The following TAFA2 variants were observed in gnomAD, a reference collection of about 807,000 sequenced individuals.
TAFA2 encodes the protein TAFA chemokine like family member 2.
TAFA2 carries 7 observed loss-of-function variants against 18.8 expected under a neutral mutation model. The ratio of observed to expected loss-of-function variants is 0.37; its 90% CI spans 0.21 to 0.70. The LOEUF is 0.70. Among genes scored for constraint, TAFA2 ranks in the 30% least tolerant of loss-of-function variants. TAFA2 has a pLI of 0.53. For missense variants in TAFA2, 122 were observed against 158.1 expected, an observed-to-expected ratio of 0.77 and a Z score of 1.23; for synonymous variants, 60 against 54.2, an observed-to-expected ratio of 1.11 and a Z score of -0.47.
At chr12:61,901,619 A>G (rs1471283050) in intron 1 of TAFA2, among the ~76,000 whole-genome samples, 1 of 152,034 alleles carries the variant, frequency 6.6e-6, no homozygotes, top group African/African-American at 2.4e-5. Flanking sequence ...TCCAGAAGCC[A>G]TTTGAAGAAA....
intron 2 of TAFA2, among the ~76,000 whole-genome samples, chr12:61,863,524 C>T (rs1326596866): frequency 6.6e-6 from 1 of 152,110 alleles, no homozygotes; most frequent in African/African-American, 2.4e-5. Flanking sequence ...GGTGGACAGA[C>T]CATGAGCACC....
chr12:61,864,175 A>G (rs1033495304), intron 2 of TAFA2, among the ~76,000 whole-genome samples: 1 of 152,116 alleles, frequency 6.6e-6, no homozygotes, highest in Non-Finnish European at 1.5e-5. Context: ...TTATAATGAC[A>G]GGCCTTTAAA....
At chr12:62,082,734 A>T (rs1244084910) in intron 1 of TAFA2, among the ~76,000 whole-genome samples, 1 of 152,254 alleles carries the variant, frequency 6.6e-6, no homozygotes, top group Non-Finnish European at 1.5e-5. Flanking sequence ...TACATCAAGT[A>T]TTGAAATAAT....
At chr12:61,988,163 T>G (rs75771711) in intron 1 of TAFA2, among the ~76,000 whole-genome samples, 9,551 of 152,072 alleles carry the variant, frequency 0.063, 397 homozygotes, top group Non-Finnish European at 0.096. Flanking sequence ...CGGGTGTCAA[T>G]GGGAGGATGC....
chr12:61,767,749 G>C (rs1225042717), intron 2 of TAFA2, among the ~76,000 whole-genome samples: 3 of 151,736 alleles, frequency 2.0e-5, no homozygotes, highest in African/African-American at 7.3e-5. Context: ...TAAATCCTTA[G>C]TCAAATTATT....
chr12:62,159,823 A>G (rs2062394539), intron 1 of TAFA2, among the ~76,000 whole-genome samples: 1 of 152,166 alleles, frequency 6.6e-6, no homozygotes, highest in Non-Finnish European at 1.5e-5. Context: ...TTACTCATGT[A>G]ACTAAACACC....
chr12:62,095,529 C>T (rs1013735054), intron 1 of TAFA2, among the ~76,000 whole-genome samples: 3 of 152,104 alleles, frequency 2.0e-5, no homozygotes, highest in Non-Finnish European at 2.9e-5. Flanking sequence ...GTATCTATAT[C>T]TGAGTGGCAC....
intron 2 of TAFA2, among the ~76,000 whole-genome samples, chr12:61,835,480 T>C (rs1167391158): frequency 6.6e-6 from 1 of 152,036 alleles, no homozygotes; most frequent in East Asian, 1.9e-4. Context: ...ACTCAGATAG[T>C]GAACATAGTA....
intron 2 of TAFA2, among the ~76,000 whole-genome samples, chr12:61,860,777 C>T (rs1874093720): frequency 6.6e-6 from 1 of 152,160 alleles, no homozygotes; most frequent in Admixed American, 6.5e-5. Context: ...CAAAGTCTTC[C>T]CTGAAACTGT....
At chr12:62,247,029 T>C (rs551968424) in intron 1 of TAFA2, among the ~76,000 whole-genome samples, 12 of 152,316 alleles carry the variant, frequency 7.9e-5, no homozygotes, top group African/African-American at 2.6e-4. Flanking sequence ...TACAATCTTA[T>C]ATATATGTTT....
At chr12:62,252,831 T>C (rs1240030126) in intron 1 of TAFA2, 1 of 152,170 alleles carries the variant, frequency 6.6e-6, no homozygotes, top group Admixed American at 6.6e-5. Flanking sequence ...TGATGTGATA[T>C]TGGGAAGATC....
chr12:62,039,670 G>C (rs1332122001), intron 1 of TAFA2, among the ~76,000 whole-genome samples: 1 of 152,122 alleles, frequency 6.6e-6, no homozygotes, highest in South Asian at 2.1e-4. Context: ...AAGAACTCAA[G>C]GTAAAGAAGA....
intron 1 of TAFA2, among the ~76,000 whole-genome samples, chr12:62,067,913 A>G (rs1047444191): frequency 3.9e-5 from 6 of 152,148 alleles, no homozygotes; most frequent in African/African-American, 1.2e-4. Flanking sequence ...CATTTATTTC[A>G]ACTTGAGTAT....
chr12:62,069,817 G>T (rs1882582303), intron 1 of TAFA2, among the ~76,000 whole-genome samples: 1 of 152,144 alleles, frequency 6.6e-6, no homozygotes, highest in Admixed American at 6.5e-5. Context: ...ATCATGGCAT[G>T]CACCATTAAC....
chr12:61,998,381 A>T (rs1477750117), intron 1 of TAFA2, among the ~76,000 whole-genome samples: 1 of 152,176 alleles, frequency 6.6e-6, no homozygotes, highest in Non-Finnish European at 1.5e-5. Flanking sequence ...CCTTACCCTC[A>T]TCTTAAAAAG....
chr12:62,239,157 C>A (rs887292137), intron 1 of TAFA2, among the ~76,000 whole-genome samples: 2 of 152,134 alleles, frequency 1.3e-5, no homozygotes, highest in African/African-American at 4.8e-5. Context: ...ACTGTTCAAT[C>A]TATAGTGAAG....
intron 2 of TAFA2, among the ~76,000 whole-genome samples, chr12:61,863,536 A>C (rs1874215864): frequency 6.6e-6 from 1 of 152,164 alleles, no homozygotes; most frequent in Non-Finnish European, 1.5e-5. Context: ...ATGAGCACCA[A>C]CTGCATTAGT....
intron 2 of TAFA2, 31 bp downstream of exon 2, chr12:61,867,289 T>A (rs1298962517): frequency 7.4e-7 from 1 of 1,344,854 alleles, no homozygotes; most frequent in African/African-American, 1.6e-5. Flanking sequence ...ATCATCCACA[T>A]TTAGTTGAAA....
At chr12:61,859,341 C>T (rs1018896292) in intron 2 of TAFA2, among the ~76,000 whole-genome samples, 1 of 152,212 alleles carries the variant, frequency 6.6e-6, no homozygotes, top group African/African-American at 2.4e-5. Flanking sequence ...CCATCTGCTC[C>T]CACCATTGAC....
Sources: gnomAD v4.1 joint callset for allele counts (sites outside exome capture counted in the v4.1 genomes callset) on GRCh38, gnomAD v4.1.1 for gene constraint, MANE v1.5 for transcripts, NCBI Gene and HGNC (gene_info 2026-07-23, HGNC 2026-07-21) for gene names.